The following METTL25 variants were observed in gnomAD, a reference collection of about 807,000 sequenced individuals.
METTL25 encodes methyltransferase like 25.
A neutral mutation model predicts 71.6 loss-of-function variants in METTL25; 64 were observed. The ratio of observed to expected loss-of-function variants is 0.89; its 90% CI spans 0.73 to 1.10. The LOEUF (loss-of-function observed/expected upper bound fraction) is 1.10, where lower values mean the gene tolerates loss of function less well. Ranked by LOEUF, METTL25 falls within the 50% of genes least tolerant of loss-of-function variation. METTL25 has a pLI of 0.00. For missense variants in METTL25, 807 were observed against 707.0 expected (o/e 1.14, Z -1.60); for synonymous variants, 287 against 250.3 (o/e 1.15, Z -1.38).
At chr12:82,476,179 C>T (rs1031021820) in intron 9 of METTL25, 1 of 152,690 alleles carries the variant, frequency 6.5e-6, no homozygotes, top group African/African-American at 2.4e-5. Context: ...AAAAGTAATT[C>T]TCTCTGATGG....
chr12:82,415,445 G>A (rs748575699), intron 5 of METTL25, among the ~76,000 whole-genome samples: 2 of 152,104 alleles, frequency 1.3e-5, no homozygotes, highest in African/African-American at 2.4e-5. Context: ...GTATTAGGCA[G>A]GGTGATCATA....
intron 1 of METTL25, among the ~76,000 whole-genome samples, chr12:82,366,075 C>T (rs1262535117): frequency 4.6e-5 from 7 of 151,854 alleles, no homozygotes; most frequent in Non-Finnish European, 1.0e-4. Context: ...GAGTGAGATT[C>T]CGTCTCAAAA....
intron 5 of METTL25, among the ~76,000 whole-genome samples, chr12:82,412,050 T>G (rs1204321691): frequency 6.6e-6 from 1 of 152,102 alleles, no homozygotes; most frequent in Admixed American, 6.6e-5. Flanking sequence ...GGAAGAACAT[T>G]ATGTTTGTTC....
At position 82,476,638 on chromosome 12, in the gene METTL25, T is replaced by C. The variant is rs759959667; in HGVS notation, c.1573-6T>C. ...GTTAAATTTATTGTTGTTTTTTATCTTGAAGCTGCCAGAAAAAATTATAAT... is the reference window on the plus strand; with the variant it reads ...GTTAAATTTATTGTTGTTTTTTATCCTGAAGCTGCCAGAAAAAATTATAAT... On this transcript the variant is annotated splice_polypyrimidine_tract_variant and splice_region_variant and intron_variant, in intron 9 of 11. Transcript: ENST00000248306. The C allele has an allele frequency of 3.8e-6, 6 of 1,571,346 alleles. No individual in the cohort carries two copies. The East Asian group carries it at 1.1e-4, about 30-fold the overall frequency.
chr12:82,473,093 T>G (rs1286667591), intron 9 of METTL25, among the ~76,000 whole-genome samples: 1 of 152,120 alleles, frequency 6.6e-6, no homozygotes, highest in Non-Finnish European at 1.5e-5. Flanking sequence ...TCCATGCTAG[T>G]GGCATTCATG....
At chr12:82,397,994 T>C (rs960908006) in intron 3 of METTL25, among the ~76,000 whole-genome samples, 8 of 152,086 alleles carry the variant, frequency 5.3e-5, no homozygotes, top group East Asian at 1.9e-4. Flanking sequence ...TATCTACTTA[T>C]CAATTTCTTT....
chr12:82,394,590 T>G (rs1885911141), intron 3 of METTL25, among the ~76,000 whole-genome samples: 1 of 152,022 alleles, frequency 6.6e-6, no homozygotes, highest in Admixed American at 6.6e-5. Context: ...CCAGGCATTA[T>G]TTTCTATACT....
intron 1 of METTL25, among the ~76,000 whole-genome samples, chr12:82,367,685 A>G (rs1882717473): frequency 6.6e-6 from 1 of 152,138 alleles, no homozygotes; most frequent in Non-Finnish European, 1.5e-5. Flanking sequence ...TTTCAGATTT[A>G]TTGTCCAAAA....
At chr12:82,361,475 C>T (rs10862480) in intron 1 of METTL25, among the ~76,000 whole-genome samples, 129,097 of 152,100 alleles carry the variant, frequency 0.85, 55,147 homozygotes, top group East Asian at 1. Flanking sequence ...AGGCGGTGCT[C>T]GTTGGGGAGG....
At chr12:82,431,999 T>C (rs1889538715) in intron 6 of METTL25, among the ~76,000 whole-genome samples, 1 of 151,696 alleles carries the variant, frequency 6.6e-6, no homozygotes, top group Non-Finnish European at 1.5e-5. Flanking sequence ...GCATATCACT[T>C]TTGCACTATT....
intron 9 of METTL25, among the ~76,000 whole-genome samples, chr12:82,468,288 A>G (rs1892362757): frequency 6.6e-6 from 1 of 152,174 alleles, no homozygotes; most frequent in Non-Finnish European, 1.5e-5. Context: ...TATACTTCTA[A>G]GTATTCTTAT....
At chr12:82,358,947 T>G (rs1187129143) in intron 1 of METTL25, 123 bp downstream of exon 1, 2 of 1,135,788 alleles carry the variant, frequency 1.8e-6, no homozygotes, top group Admixed American at 2.4e-5. Flanking sequence ...GGCGGCCCGC[T>G]GGGAAACCGA....
chr12:82,468,202 C>T (rs952549838), intron 9 of METTL25, among the ~76,000 whole-genome samples: 2 of 152,070 alleles, frequency 1.3e-5, no homozygotes, highest in Non-Finnish European at 2.9e-5. Context: ...AATAATCTCC[C>T]TATAATCTCT....
At chr12:82,401,606 A>T (rs1465494161) in intron 4 of METTL25, among the ~76,000 whole-genome samples, 2 of 152,000 alleles carry the variant, frequency 1.3e-5, no homozygotes, top group African/African-American at 2.4e-5. Context: ...CAGGTTATGC[A>T]ATTAGTTCAT....
intron 8 of METTL25, among the ~76,000 whole-genome samples, chr12:82,444,327 G>C (rs1382145046): frequency 6.6e-6 from 1 of 152,038 alleles, no homozygotes; most frequent in Non-Finnish European, 1.5e-5. Context: ...AAATATGAAG[G>C]GAGATACTCT....
chr12:82,422,583 T>A (rs1490349356), intron 5 of METTL25, among the ~76,000 whole-genome samples: 4 of 152,062 alleles, frequency 2.6e-5, no homozygotes, highest in African/African-American at 9.7e-5. Flanking sequence ...GGGCATTCAA[T>A]TAGGAAAAGA....
intron 8 of METTL25, among the ~76,000 whole-genome samples, chr12:82,443,531 A>T (rs1890517591): frequency 6.6e-6 from 1 of 152,074 alleles, no homozygotes; most frequent in Non-Finnish European, 1.5e-5. Context: ...GAGTAAATTT[A>T]AGTCATGGCA....
intron 3 of METTL25, among the ~76,000 whole-genome samples, chr12:82,391,729 T>G (rs2136967415): frequency 6.6e-6 from 1 of 151,438 alleles, no homozygotes; most frequent in South Asian, 2.1e-4. Context: ...ATTTCCTTTT[T>G]TTTTTTTTTT....
intron 9 of METTL25, 89 bp downstream of exon 9, chr12:82,456,909 C>G: frequency 1.8e-6 from 1 of 550,526 alleles, no homozygotes; most frequent in South Asian, 5.3e-5. Flanking sequence ...AGTTTCCCTT[C>G]TAATTTTCTC....
Sources: gnomAD v4.1 joint callset for allele counts (sites outside exome capture counted in the v4.1 genomes callset) on GRCh38, gnomAD v4.1.1 for gene constraint, MANE v1.5 for transcripts, NCBI Gene and HGNC (gene_info 2026-07-23, HGNC 2026-07-21) for gene names.